The following EXOSC8 variants were observed in gnomAD, a reference collection of about 807,000 sequenced individuals.
The protein encoded by EXOSC8 is exosome complex component RRP43.
Under a neutral mutation model 39.9 loss-of-function variants are expected in EXOSC8, and 37 were observed. The observed-to-expected ratio is 0.93, with a 90% CI of 0.71 to 1.22. EXOSC8 has a LOEUF of 1.22. EXOSC8 is among the 50% of genes most tolerant of loss of function. The probability of loss-of-function intolerance (pLI) is 0.00; values close to 1 mark genes in which losing one functional copy is unlikely to be tolerated. For synonymous variants in EXOSC8, 93 were observed against 109.5 expected (o/e 0.85, Z 0.94); for missense variants, 313 against 326.6 (o/e 0.96, Z 0.32).
chr13:37,004,225 C>T (rs1053787255), intron 4 of EXOSC8: 1 of 274,192 alleles, frequency 3.6e-6, no homozygotes, highest in African/African-American at 2.2e-5. Flanking sequence ...GCTCTATCAT[C>T]TGGAGAACAA....
chr13:37,006,360 C>T (rs1297155303), intron 7 of EXOSC8, among the ~76,000 whole-genome samples, 200 bp downstream of exon 7: 1 of 152,124 alleles, frequency 6.6e-6, no homozygotes, highest in African/African-American at 2.4e-5. Flanking sequence ...ACAAGTTTGA[C>T]TAACTTACTG....
chr13:37,006,177 A>T lies in EXOSC8; in HGVS notation c.390+17A>T. On this transcript the variant is annotated intron_variant, in intron 7 of 10. Transcript: ENST00000389704. The stretch of plus-strand genomic sequence containing the variant: ...CCAGGAAAGGTAAGAGGAATAGAGA[A>T]GCTATAAGTTCTTATTAATTCTGAA... The T allele has an allele frequency of 6.4e-7, 1 of 1,564,816 alleles. No individual in the cohort carries two copies. Among genetic ancestry groups the T allele is most frequent in the Non-Finnish European group, 8.7e-7 (1 of 1,143,236 alleles).
chr13:37,006,119 C>G lies in EXOSC8; in HGVS notation c.349C>G (p.Gln117Glu). Reference sequence around the variant, plus strand: ...GCTCTTTGTCATTAAATCAAGTTCACAGATAATTCAGAAAGAGGACTTATG... The same window carrying G: ...GCTCTTTGTCATTAAATCAAGTTCAGAGATAATTCAGAAAGAGGACTTATG... ...QFIADVIENS[Q>E]IIQKEDLCIS... is the part of the protein sequence containing the mutation. Residue 117 changes from glutamine to glutamate, a missense_variant, in exon 7 of 11, where the codon CAG (glutamine) becomes GAG (glutamate). By Grantham distance (29) the Gln-to-Glu change is conservative. Coordinates refer to ENST00000389704, the MANE Select transcript of EXOSC8 (RefSeq NM_181503.3). 6.2e-7 allele frequency: 1 copy of G among 1,609,314 alleles called. No homozygotes were observed. Among genetic ancestry groups the G allele is most frequent in the Non-Finnish European group, 8.5e-7 (1 of 1,175,924 alleles).
chr13:37,003,543 T>C (rs1205191724), intron 4 of EXOSC8: 1 of 152,728 alleles, frequency 6.5e-6, no homozygotes, highest in African/African-American at 2.4e-5. Flanking sequence ...AAGTAAAACT[T>C]AGACATAAAT....
At chr13:37,001,250 AATAT>A (rs2059101973) in intron 1 of EXOSC8, among the ~76,000 whole-genome samples, 1 of 152,108 alleles carries the variant, frequency 6.6e-6, no homozygotes, top group African/African-American at 2.4e-5. Flanking sequence ...CTCTAATAAA[AATAT>A]AAAAATTAGC....
At chr13:37,006,840 TTTC>T (rs1346760447) in intron 7 of EXOSC8, 132 bp from the exon 8 acceptor site, 7 of 590,950 alleles carry the variant, frequency 1.2e-5, no homozygotes, top group Non-Finnish European at 2.1e-5. Context: ...GGTGAAGCAT[TTTC>T]TTAAGGTTTT....
chr13:37,006,085 A>T (rs775512831), intron 6 of EXOSC8, 30 bp from the exon 7 acceptor site: 1 of 1,601,782 alleles, frequency 6.2e-7, no homozygotes, highest in East Asian at 2.2e-5. Flanking sequence ...TGGGCTTTTC[A>T]TTTACTTTGC....
chr13:37,006,240 T>A, intron 7 of EXOSC8, 80 bp downstream of exon 7: 2 of 906,652 alleles, frequency 2.2e-6, no homozygotes, highest in Non-Finnish European at 1.7e-6. Flanking sequence ...AACAAGGAAA[T>A]TAAAACCACC....
Position 37,003,010 on chromosome 13 carries a change from A to T in EXOSC8, c.192+3A>T. The T allele has an allele frequency of 6.5e-7, 1 of 1,542,822 alleles. No individual in the cohort carries two copies. Among genetic ancestry groups the T allele is most frequent in the South Asian group, 1.1e-5 (1 of 89,572 alleles). On this transcript the variant is annotated splice_donor_region_variant and intron_variant, in intron 4 of 10. Transcript: ENST00000389704. ...CAGTAATCTGTGGAGTTAAAGCAGT[A>T]AGTCTAAATATGTCCTATTGAGATT...
At chr13:37,008,930 A>G in intron 10 of EXOSC8, 95 bp downstream of exon 10, 1 of 811,066 alleles carries the variant, frequency 1.2e-6, no homozygotes, top group South Asian at 1.5e-5. Flanking sequence ...GGGATATTTT[A>G]TTTACCTAAT....
In EXOSC8 at chr13:37,008,141, C is replaced by T. The variant is rs750019667; in HGVS notation, c.572C>T (p.Thr191Ile). ...LKKKSYLNIR[T>I]HPVATSFAVF... ...AAGAAAAGTTATTTGAATATTAGAA[C>T]TCATCCAGTTGCAACTTCCTTTGCT... Residue 191 changes from threonine (T) to isoleucine (I), a missense_variant, in exon 9 of 11, where the codon ACT becomes ATT. Transcript: ENST00000389704. The T allele has an allele frequency of 1.3e-6, 2 of 1,597,020 alleles. No homozygotes were observed. Among genetic ancestry groups the T allele is most frequent in the Non-Finnish European group, 1.7e-6 (2 of 1,173,018 alleles).
intron 5 of EXOSC8, among the ~76,000 whole-genome samples, chr13:37,005,541 G>C (rs1273784738): frequency 6.6e-6 from 1 of 152,120 alleles, no homozygotes; most frequent in East Asian, 1.9e-4. Flanking sequence ...ACTGTGGATT[G>C]ATAATACCTT....
intron 5 of EXOSC8, among the ~76,000 whole-genome samples, chr13:37,004,859 T>C (rs1412756565): frequency 6.6e-6 from 1 of 152,214 alleles, no homozygotes; most frequent in African/African-American, 2.4e-5. Flanking sequence ...CTCACACCTA[T>C]AATACCAGGA....
intron 9 of EXOSC8, among the ~76,000 whole-genome samples, chr13:37,008,429 CA>C (rs1432359351): frequency 6.6e-6 from 1 of 152,176 alleles, no homozygotes; most frequent in Non-Finnish European, 1.5e-5. Flanking sequence ...AAGCTATCTT[CA>C]ATATTTTCCA....
Position 37,003,518 on chromosome 13 carries a change from G to T in EXOSC8, c.192+511G>T, listed in dbSNP as rs151071283. On this transcript the variant is annotated intron_variant, in intron 4 of 10. Coordinates refer to ENST00000389704, the MANE Select transcript of EXOSC8 (RefSeq NM_181503.3). ...AGATGACTTTCAGTAACCTGTCCAG[G>T]TACATAAGACTCATAAGTAAAACTT... is the stretch of plus-strand genomic sequence containing the variant. 200 of 153,952 alleles carry T rather than the reference G, an allele frequency of 1.3e-3. 3 individuals carry two copies. In the East Asian group the frequency reaches 0.035, roughly 27 times the overall value. The allele number at this position is 153,952 out of a possible 1,614,324, so 9.5% of individuals were successfully genotyped here.
intron 3 of EXOSC8, 79 bp downstream of exon 3, chr13:37,002,630 C>T: frequency 9.9e-7 from 1 of 1,005,506 alleles, no homozygotes; most frequent in South Asian, 1.6e-5. Context: ...GTTTTTCACC[C>T]AAATTCTTTG....
intron 4 of EXOSC8, chr13:37,004,300 G>T: frequency 2.6e-6 from 1 of 389,594 alleles, no homozygotes; most frequent in Non-Finnish European, 4.5e-6. Context: ...AGATCTCCAG[G>T]TAATCTTGCC....
At chr13:37,009,106 A>T in intron 10 of EXOSC8, 78 bp from the exon 11 acceptor site, 2 of 993,510 alleles carry the variant, frequency 2.0e-6, no homozygotes, top group Non-Finnish European at 3.0e-6. Context: ...TTTTTGTTTT[A>T]TAATTTGACA....
At chr13:37,005,428 G>T (rs986863547) in intron 5 of EXOSC8, among the ~76,000 whole-genome samples, 1 of 152,088 alleles carries the variant, frequency 6.6e-6, no homozygotes, top group Non-Finnish European at 1.5e-5. Context: ...CAGAAAAATA[G>T]AAATTTCATG....
Sources: allele counts gnomAD v4.1 joint callset (sites outside exome capture counted in the v4.1 genomes callset), GRCh38; gene constraint gnomAD v4.1.1; transcripts MANE v1.5; gene names NCBI Gene and HGNC (gene_info 2026-07-23, HGNC 2026-07-21).